ZMYND11: variants seen among roughly 807,000 people sequenced by gnomAD.
The protein encoded by ZMYND11 is zinc finger MYND-type containing 11.
Under a neutral mutation model 84.9 loss-of-function variants are expected in ZMYND11, and 9 were observed. The ratio of observed to expected loss-of-function variants is 0.11; its 90% confidence interval spans 0.06 to 0.18. ZMYND11 has a LOEUF of 0.18. Among genes scored for constraint, ZMYND11 ranks in the 10% least tolerant of loss-of-function variants. ZMYND11 has a pLI of 1.00. For missense variants in ZMYND11, 409 were observed against 761.0 expected, an observed-to-expected ratio of 0.54 and a Z score of 5.44; for synonymous variants, 250 against 244.1, an observed-to-expected ratio of 1.02 and a Z score of -0.23.
chr10:199,626 G>T (rs551456475), intron 2 of ZMYND11, among the ~76,000 whole-genome samples: 1 of 151,934 alleles, frequency 6.6e-6, no homozygotes, highest in East Asian at 2.0e-4. Context: ...TAGAGACGAG[G>T]TCTTACTATG....
intron 1 of ZMYND11, among the ~76,000 whole-genome samples, chr10:150,398 G>A (rs147482768): frequency 0.018 from 2,800 of 152,286 alleles, 24 homozygotes; most frequent in Non-Finnish European, 0.03. Context: ...GTTTATTTGC[G>A]TAGAAGTGTT....
chr10:182,351 A>G (rs1442383292), intron 2 of ZMYND11, among the ~76,000 whole-genome samples: 2 of 152,338 alleles, frequency 1.3e-5, no homozygotes, highest in Middle Eastern at 3.4e-3. Context: ...ATTATTGATA[A>G]GCATTCTTTT....
intron 1 of ZMYND11, among the ~76,000 whole-genome samples, chr10:136,231 C>T (rs1554752113): frequency 6.6e-6 from 1 of 152,142 alleles, no homozygotes; most frequent in African/African-American, 2.4e-5. Flanking sequence ...GAGGACGCGG[C>T]TGGGACGAGG....
chr10:190,311 C>G (rs1180439367), intron 2 of ZMYND11, among the ~76,000 whole-genome samples: 1 of 152,096 alleles, frequency 6.6e-6, no homozygotes, highest in Admixed American at 6.6e-5. Flanking sequence ...TCCACTGTTG[C>G]AAACGTTTTC....
chr10:222,894 T>C (rs1337657369), intron 4 of ZMYND11, among the ~76,000 whole-genome samples: 1 of 152,196 alleles, frequency 6.6e-6, no homozygotes. Context: ...CAGGTTAAGC[T>C]TCTTTGTAGA....
At chr10:138,110 G>GTTT (rs1198726870) in intron 1 of ZMYND11, among the ~76,000 whole-genome samples, 10 of 133,042 alleles carry the variant, frequency 7.5e-5, no homozygotes, top group African/African-American at 1.4e-4. Context: ...TTCTGTTGGC[G>GTTT]TTTTTTTTTT....
chr10:241,435 T>A (rs1257504658), intron 9 of ZMYND11, among the ~76,000 whole-genome samples: 1 of 152,082 alleles, frequency 6.6e-6, no homozygotes, highest in Non-Finnish European at 1.5e-5. Flanking sequence ...GCCTCGGCCT[T>A]CCAAAGTGCT....
intron 10 of ZMYND11, among the ~76,000 whole-genome samples, chr10:246,451 T>C (rs911429687): frequency 7.9e-5 from 12 of 152,216 alleles, no homozygotes; most frequent in Non-Finnish European, 1.3e-4. Flanking sequence ...GCTAAGCTGA[T>C]TGAATTGTGA....
At chr10:156,005 A>G (rs888313249) in intron 1 of ZMYND11, among the ~76,000 whole-genome samples, 6 of 152,242 alleles carry the variant, frequency 3.9e-5, no homozygotes, top group African/African-American at 1.4e-4. Flanking sequence ...CATGAGTGCA[A>G]AAGCCTGACC....
At chr10:172,836 GACTT>G (rs1450314499) in intron 1 of ZMYND11, among the ~76,000 whole-genome samples, 1 of 152,130 alleles carries the variant, frequency 6.6e-6, no homozygotes, top group Non-Finnish European at 1.5e-5. Context: ...CTGACTTAAA[GACTT>G]ACTGTAAACT....
At chr10:203,400 A>G (rs769288239) in intron 2 of ZMYND11, among the ~76,000 whole-genome samples, 1 of 152,198 alleles carries the variant, frequency 6.6e-6, no homozygotes, top group Non-Finnish European at 1.5e-5. Context: ...AAAGATATGT[A>G]CAAATCTTAT....
At position 252,208 on chromosome 10, in the gene ZMYND11, G is replaced by C; in HGVS notation, c.1687-140G>C. On this transcript the variant is annotated intron_variant, in intron 14 of 14. Coordinates refer to ENST00000381604, the MANE Select transcript of ZMYND11 (RefSeq NM_001370100.5). The surrounding 1 kb of genome is among the most constrained non-coding windows in gnomAD (Gnocchi z 4.6). The stretch of plus-strand genomic sequence containing the variant: ...CCAGGGCTCCCTTTCCATCTGCTGT[G>C]CATAAAACGTATTCAGATTCCACAA... The C allele has an allele frequency of 9.6e-7, 1 of 1,045,396 alleles. No individual in the cohort carries two copies. Among genetic ancestry groups the C allele is most frequent in the Non-Finnish European group, 1.4e-6 (1 of 725,378 alleles). 64.8% of individuals were successfully genotyped at this position (1,045,396 alleles called of 1,614,324 possible).
intron 2 of ZMYND11, among the ~76,000 whole-genome samples, chr10:201,558 AAAT>A (rs1488985245): frequency 1.4e-5 from 2 of 138,794 alleles, no homozygotes; most frequent in African/African-American, 2.6e-5. Flanking sequence ...TAAAAATGTT[AAAT>A]AATCAGTGGC....
intron 2 of ZMYND11, among the ~76,000 whole-genome samples, chr10:182,418 G>A (rs1848075392): frequency 6.6e-6 from 1 of 152,000 alleles, no homozygotes; most frequent in Non-Finnish European, 1.5e-5. Flanking sequence ...TTTTCTTCAT[G>A]TTGTAAGGTC....
At chr10:222,211 C>A (rs1013208570) in intron 4 of ZMYND11, among the ~76,000 whole-genome samples, 2 of 151,944 alleles carry the variant, frequency 1.3e-5, no homozygotes, top group Admixed American at 6.5e-5. Flanking sequence ...TTTGCTTTTT[C>A]AAAAAACATT....
At chr10:196,634 C>T (rs944022825) in intron 2 of ZMYND11, among the ~76,000 whole-genome samples, 1 of 151,946 alleles carries the variant, frequency 6.6e-6, no homozygotes, top group Non-Finnish European at 1.5e-5. Context: ...TACTAATATA[C>T]TAAGAAGCAT....
chr10:177,633 A>G (rs536643106), intron 1 of ZMYND11, among the ~76,000 whole-genome samples: 1 of 152,126 alleles, frequency 6.6e-6, no homozygotes, highest in African/African-American at 2.4e-5. Flanking sequence ...TTAAAATGTT[A>G]GCTTTGCTGT....
chr10:229,282 C>T (rs1366606216), intron 4 of ZMYND11, among the ~76,000 whole-genome samples: 4 of 152,168 alleles, frequency 2.6e-5, no homozygotes, highest in Non-Finnish European at 4.4e-5. Context: ...AAGGAGTGGC[C>T]TGTGACTGGA....
At chr10:142,830 A>T (rs577274686) in intron 1 of ZMYND11, among the ~76,000 whole-genome samples, 141 of 152,326 alleles carry the variant, frequency 9.3e-4, no homozygotes, top group East Asian at 9.6e-4. Context: ...GTTAATGCCA[A>T]CTCACCGGTA....
Sources: allele counts gnomAD v4.1 joint callset (sites outside exome capture counted in the v4.1 genomes callset), GRCh38; gene constraint gnomAD v4.1.1; non-coding constraint Gnocchi (gnomAD v3.1); transcripts MANE v1.5; gene names NCBI Gene and HGNC (gene_info 2026-07-23, HGNC 2026-07-21).